The following CMIP variants were observed in gnomAD, a reference collection of about 807,000 sequenced individuals.
The protein encoded by CMIP is C-Maf-inducing protein.
A neutral mutation model predicts 97.3 loss-of-function variants in CMIP; 13 were observed. The observed-to-expected ratio is 0.13, with a 90% CI of 0.09 to 0.21. CMIP has a LOEUF of 0.21. Among genes scored for constraint, CMIP ranks in the 10% least tolerant of loss-of-function variants. CMIP has a pLI of 1.00. For missense variants in CMIP, 847 were observed against 1,024.9 expected, an observed-to-expected ratio of 0.83 and a Z score of 2.37; for synonymous variants, 538 against 436.3, an observed-to-expected ratio of 1.23 and a Z score of -2.91.
intron 1 of CMIP, among the ~76,000 whole-genome samples, chr16:81,575,047 T>C (rs1343084742): frequency 6.6e-6 from 1 of 152,242 alleles, no homozygotes; most frequent in Non-Finnish European, 1.5e-5. Flanking sequence ...GCCCTGCTGC[T>C]TCCTGAACCT....
At chr16:81,702,241 G>A (rs2151098406) in intron 16 of CMIP, among the ~76,000 whole-genome samples, 1 of 152,298 alleles carries the variant, frequency 6.6e-6, no homozygotes, top group East Asian at 1.9e-4. Context: ...TGGGGAGAGT[G>A]TGTAGAAATA....
chr16:81,460,152 C>A (rs1018404167), intron 1 of CMIP, among the ~76,000 whole-genome samples: 2 of 152,102 alleles, frequency 1.3e-5, no homozygotes, highest in Non-Finnish European at 1.5e-5. Context: ...TGCCTCTGGG[C>A]CCATGTTCTA....
chr16:81,700,965 G>C (rs766862733), intron 15 of CMIP, among the ~76,000 whole-genome samples: 2 of 152,174 alleles, frequency 1.3e-5, no homozygotes, highest in Non-Finnish European at 2.9e-5. Flanking sequence ...AGAAGCGTGG[G>C]CTGAGTGACC....
At position 81,616,001 on chromosome 16, in the gene CMIP, G is replaced by A. The variant is rs931516058; in HGVS notation, c.427-4875G>A. 6.6e-6 allele frequency among the ~76,000 whole-genome samples: 1 copy of A among 152,002 alleles called. No homozygotes were observed. Among genetic ancestry groups the A allele is most frequent in the African/African-American group, 2.4e-5 (1 of 41,374 alleles). ...ACCACGGCCAGCTTTCCTTCTCGTC[G>A]CACTGGGGCAGAAGGAGCCGGGCGC... On this transcript the variant is annotated intron_variant, in intron 2 of 20. Transcript: ENST00000537098. This position sits in a 1 kb window ranked among gnomAD's most constrained non-coding sequence, Gnocchi z 4.7.
chr16:81,473,724 G>A (rs1380346915), intron 1 of CMIP, among the ~76,000 whole-genome samples: 1 of 151,826 alleles, frequency 6.6e-6, no homozygotes, highest in Admixed American at 6.6e-5. Context: ...ACGCGGGGAC[G>A]CAGGGACGCA....
intron 1 of CMIP, among the ~76,000 whole-genome samples, chr16:81,463,054 T>C (rs929553374): frequency 2.6e-5 from 4 of 151,728 alleles, no homozygotes; most frequent in African/African-American, 9.8e-5. Context: ...TCATGGAGGC[T>C]ACCTGGCAAA....
At chr16:81,572,397 C>T (rs1385096581) in intron 1 of CMIP, among the ~76,000 whole-genome samples, 1 of 152,166 alleles carries the variant, frequency 6.6e-6, no homozygotes, top group Admixed American at 6.5e-5. Flanking sequence ...AGGGTGGGGG[C>T]GTGCGAGGTT....
At chr16:81,595,153 C>G (rs948209965) in intron 1 of CMIP, among the ~76,000 whole-genome samples, 1 of 152,088 alleles carries the variant, frequency 6.6e-6, no homozygotes, top group African/African-American at 2.4e-5. Context: ...CTGCTGGATT[C>G]ACCAGGTTGT....
chr16:81,510,030 T>A (rs2089781254), intron 1 of CMIP, among the ~76,000 whole-genome samples: 1 of 152,230 alleles, frequency 6.6e-6, no homozygotes, highest in South Asian at 2.1e-4. Flanking sequence ...TCAATTTCCA[T>A]CAGGATTTTA....
At chr16:81,529,070 C>A (rs1020452779) in intron 1 of CMIP, among the ~76,000 whole-genome samples, 3 of 152,132 alleles carry the variant, frequency 2.0e-5, no homozygotes, top group Non-Finnish European at 4.4e-5. Context: ...GATGAATGAG[C>A]TGTGGTCCTT....
At chr16:81,520,540 G>A (rs984866937) in intron 1 of CMIP, 3 of 149,382 alleles carry the variant, frequency 2.0e-5, no homozygotes, top group African/African-American at 7.5e-5. Flanking sequence ...ATCTCTCAGA[G>A]AGAGAGAGAG....
In CMIP at chr16:81,642,334, G is replaced by A. The variant is rs563580506; in HGVS notation, c.478-9869G>A. Among the ~76,000 whole-genome samples, 7 of 152,226 alleles carry A rather than the reference G, an allele frequency of 4.6e-5. No individual in the cohort carries two copies. In the South Asian group the frequency reaches 6.2e-4, roughly 14 times the overall value. On this transcript the variant is annotated intron_variant, in intron 3 of 20. Transcript: ENST00000537098. Reference sequence around the variant, plus strand: ...CACTCCCTGCCCCTCCATAGAGACAGTGCCCCACTCAGAGTAGGCGTCCCT... The same window carrying A: ...CACTCCCTGCCCCTCCATAGAGACAATGCCCCACTCAGAGTAGGCGTCCCT...
intron 1 of CMIP, among the ~76,000 whole-genome samples, chr16:81,547,772 G>A (rs954263298): frequency 6.6e-6 from 1 of 152,190 alleles, no homozygotes; most frequent in Non-Finnish European, 1.5e-5. Context: ...GGAGAGGCTG[G>A]CTCACAGTTG....
chr16:81,477,022 ATTT>A (rs980488196), intron 1 of CMIP, among the ~76,000 whole-genome samples: 4 of 151,692 alleles, frequency 2.6e-5, no homozygotes, highest in Admixed American at 6.6e-5. Context: ...TAGTAGGACC[ATTT>A]TTATCTCGTG....
At chr16:81,538,373 C>T (rs1008574668) in intron 1 of CMIP, among the ~76,000 whole-genome samples, 1 of 152,210 alleles carries the variant, frequency 6.6e-6, no homozygotes, top group Non-Finnish European at 1.5e-5. Context: ...GAATTTCACT[C>T]TAAGGGGTTG....
chr16:81,524,175 C>G (rs988991286), intron 1 of CMIP, among the ~76,000 whole-genome samples: 1 of 152,168 alleles, frequency 6.6e-6, no homozygotes, highest in Non-Finnish European at 1.5e-5. Context: ...TGTAATGCCA[C>G]GATCCATTGC....
chr16:81,668,368 C>T (rs931975587), intron 7 of CMIP, among the ~76,000 whole-genome samples: 3 of 152,162 alleles, frequency 2.0e-5, no homozygotes, highest in East Asian at 1.9e-4. Context: ...GATTCACAGG[C>T]CCCTGTCCGG....
chr16:81,547,612 G>GGGAGGA (rs147604031), intron 1 of CMIP, among the ~76,000 whole-genome samples: 3 of 151,674 alleles, frequency 2.0e-5, no homozygotes, highest in Non-Finnish European at 4.4e-5. Context: ...TGGGAAGCGG[G>GGGAGGA]GGAGGAGGAG....
At chr16:81,578,529 C>T (rs1011334965) in intron 1 of CMIP, among the ~76,000 whole-genome samples, 7 of 152,186 alleles carry the variant, frequency 4.6e-5, no homozygotes, top group South Asian at 2.1e-4. Context: ...TCTCCAAAAA[C>T]GATCTCATCT....
Sources: gnomAD v4.1 joint callset for allele counts (sites outside exome capture counted in the v4.1 genomes callset) on GRCh38, gnomAD v4.1.1 for gene constraint, Gnocchi (gnomAD v3.1) non-coding constraint, MANE v1.5 for transcripts, NCBI Gene and HGNC (gene_info 2026-07-23, HGNC 2026-07-21) for gene names.